DNTTIP1: variants seen among roughly 807,000 people sequenced by gnomAD.
The protein encoded by DNTTIP1 is deoxynucleotidyltransferase terminal-interacting protein 1.
A neutral mutation model predicts 52.9 loss-of-function variants in DNTTIP1; 22 were observed. That is an observed-to-expected ratio of 0.42 (90% CI 0.30 to 0.59). The LOEUF is 0.59. Among genes scored for constraint, DNTTIP1 ranks in the 20% least tolerant of loss-of-function variants. The probability of loss-of-function intolerance (pLI) is 0.22; values close to 1 mark genes in which losing one functional copy is unlikely to be tolerated. For synonymous variants in DNTTIP1, 136 were observed against 155.1 expected, an observed-to-expected ratio of 0.88 and a Z score of 0.92; for missense variants, 286 against 435.5, an observed-to-expected ratio of 0.66 and a Z score of 3.06.
Position 45,792,723 on chromosome 20 carries a change from GC to G in DNTTIP1, c.154del (p.Arg52AlafsTer5). The G allele has an allele frequency of 6.2e-7, 1 of 1,612,664 alleles. No individual in the cohort carries two copies. The highest frequency in any genetic ancestry group is 8.5e-7 in the Non-Finnish European group (1 of 1,179,362). ...AAGCACCGGCAGGTGCAGCGGAGGG[GC>G]CGCCGCTCACAGATGACAACAAGGT... The part of the protein sequence containing the change: ...MIKHRQVQRR[G>X]RRSQMTTSFT... On this transcript the variant is annotated frameshift_variant, in exon 2 of 13. Transcript: ENST00000372622. LOFTEE classifies it high-confidence loss of function.
In DNTTIP1 at chr20:45,797,690, T is replaced by C. The variant is rs187000165; in HGVS notation, c.372+2247T>C. On this transcript the variant is annotated intron_variant, in intron 4 of 12. Transcript: ENST00000372622. ...GCCAAAGGACATGAACAGACACTCC[T>C]CAAAAGAAGACATTTATGCAGCCAA... is the stretch of plus-strand genomic sequence containing the variant. Among the ~76,000 whole-genome samples, 175 of 152,282 alleles carry C rather than the reference T, an allele frequency of 1.1e-3. 1 individual carries two copies. Among genetic ancestry groups the C allele is most frequent in the African/African-American group, 4.0e-3 (168 of 41,544 alleles).
rs1981535619 is a variant in DNTTIP1, at chr20:45,803,379, G to T, written c.603+1G>T. 1.9e-6 allele frequency: 3 copies of T among 1,614,126 alleles called. No homozygotes were observed. The highest frequency in any genetic ancestry group is 1.7e-6 in the Non-Finnish European group (2 of 1,180,020). ...ACCAATTCGCCGGGAAGGCCCCAAG[G>T]TATGATTATGTGAGCATGGCAGAGA... On this transcript the variant is annotated splice_donor_variant, in intron 8 of 12. Coordinates refer to ENST00000372622, the MANE Select transcript of DNTTIP1 (RefSeq NM_052951.3). LOFTEE classifies it high-confidence loss of function.
At chr20:45,795,808 CAAAAA>C (rs1162295489) in intron 4 of DNTTIP1, among the ~76,000 whole-genome samples, 1 of 151,878 alleles carries the variant, frequency 6.6e-6, no homozygotes, top group Non-Finnish European at 1.5e-5. Context: ...CAAAAACAAA[CAAAAA>C]AAGAAATGTG....
chr20:45,804,658 C>G (rs1259818727), intron 8 of DNTTIP1, among the ~76,000 whole-genome samples: 1 of 152,192 alleles, frequency 6.6e-6, no homozygotes, highest in Non-Finnish European at 1.5e-5. Context: ...TGTACTCTCT[C>G]TGTTAGCAGC....
chr20:45,796,768 G>A (rs968509580), intron 4 of DNTTIP1, among the ~76,000 whole-genome samples: 1 of 152,036 alleles, frequency 6.6e-6, no homozygotes, highest in African/African-American at 2.4e-5. Flanking sequence ...CCCTCTTGTC[G>A]GGGTCGCTAG....
At chr20:45,793,882 G>T in intron 2 of DNTTIP1, 39 bp from the exon 3 acceptor site, 1 of 1,325,140 alleles carries the variant, frequency 7.5e-7, no homozygotes, top group South Asian at 1.4e-5. Context: ...GAATATGTTT[G>T]GGACATGCCC....
chr20:45,808,728 G>T (rs908223028), intron 10 of DNTTIP1, among the ~76,000 whole-genome samples: 1 of 152,142 alleles, frequency 6.6e-6, no homozygotes, highest in Non-Finnish European at 1.5e-5. Context: ...GCTATTATGC[G>T]TCCGAGAGTA....
At chr20:45,796,928 T>C (rs1016926097) in intron 4 of DNTTIP1, among the ~76,000 whole-genome samples, 3 of 152,200 alleles carry the variant, frequency 2.0e-5, no homozygotes, top group African/African-American at 7.2e-5. Flanking sequence ...CCTCATTGCC[T>C]ACTCTTCTCT....
At position 45,803,330 on chromosome 20, in the gene DNTTIP1, CA is replaced by C. The variant is rs1259982366; in HGVS notation, c.558-2del. The C allele has an allele frequency of 6.2e-7, 1 of 1,614,156 alleles. No homozygotes were observed. Among genetic ancestry groups the C allele is most frequent in the African/African-American group, 1.3e-5 (1 of 75,052 alleles). On this transcript the variant is annotated splice_acceptor_variant, in intron 7 of 12. Coordinates refer to ENST00000372622, the MANE Select transcript of DNTTIP1 (RefSeq NM_052951.3). LOFTEE classifies it high-confidence loss of function. ...TTCACCTTTATTCTTTCCTTCCAAGCAGATGGAAACCAAAATCCTGTGAACC... is the reference window on the plus strand; with the variant it reads ...TTCACCTTTATTCTTTCCTTCCAAGCGATGGAAACCAAAATCCTGTGAACC...
chr20:45,794,272 C>T (rs761629073), intron 3 of DNTTIP1, among the ~76,000 whole-genome samples: 5 of 152,176 alleles, frequency 3.3e-5, no homozygotes, highest in Non-Finnish European at 7.3e-5. Flanking sequence ...CCTCAGCCTC[C>T]CTAGTGGCTG....
intron 4 of DNTTIP1, among the ~76,000 whole-genome samples, chr20:45,797,185 C>G (rs1195951948): frequency 1.3e-5 from 2 of 152,188 alleles, no homozygotes; most frequent in African/African-American, 4.8e-5. Flanking sequence ...ATGTCACTCC[C>G]CATTTTAAAA....
At chr20:45,795,657 G>A (rs1372131747) in intron 4 of DNTTIP1, among the ~76,000 whole-genome samples, 2 of 152,154 alleles carry the variant, frequency 1.3e-5, no homozygotes, top group African/African-American at 4.8e-5. Flanking sequence ...AAATTAGCTG[G>A]GCATGGTGGT....
chr20:45,806,977 A>G (rs1268827920), intron 10 of DNTTIP1, among the ~76,000 whole-genome samples: 3 of 152,056 alleles, frequency 2.0e-5, no homozygotes, highest in African/African-American at 7.2e-5. Flanking sequence ...GCCTGGTTCC[A>G]TTATTTTACT....
intron 10 of DNTTIP1, among the ~76,000 whole-genome samples, chr20:45,808,558 T>G (rs568750971): frequency 6.6e-6 from 1 of 152,292 alleles, no homozygotes; most frequent in East Asian, 1.9e-4. Flanking sequence ...GAGAATCGCT[T>G]GAACCCAGGA....
intron 10 of DNTTIP1, among the ~76,000 whole-genome samples, chr20:45,805,608 T>C (rs1003744082): frequency 2.0e-5 from 3 of 152,188 alleles, no homozygotes; most frequent in East Asian, 1.9e-4. Flanking sequence ...CCCACACTTA[T>C]ATTATCTTAA....
chr20:45,797,918 G>A (rs1411386460), intron 4 of DNTTIP1, among the ~76,000 whole-genome samples: 2 of 152,216 alleles, frequency 1.3e-5, no homozygotes, highest in Non-Finnish European at 2.9e-5. Context: ...GTGGAAGTCA[G>A]TGTGGCGATT....
At chr20:45,799,790 C>T (rs1329775348) in intron 4 of DNTTIP1, among the ~76,000 whole-genome samples, 1 of 142,694 alleles carries the variant, frequency 7.0e-6, no homozygotes, top group Non-Finnish European at 1.6e-5. Context: ...GCACTTAGGT[C>T]CCAGGTACTC....
At chr20:45,800,466 G>A (rs948840716) in intron 4 of DNTTIP1, among the ~76,000 whole-genome samples, 1 of 151,520 alleles carries the variant, frequency 6.6e-6, no homozygotes, top group Admixed American at 6.6e-5. Flanking sequence ...CTGAGGTTAA[G>A]AGTTCGAGAC....
intron 10 of DNTTIP1, among the ~76,000 whole-genome samples, chr20:45,807,146 G>A (rs549029001): frequency 2.0e-5 from 3 of 151,100 alleles, no homozygotes; most frequent in South Asian, 4.2e-4. Flanking sequence ...TTTCTGAGAC[G>A]GAGTCTTGCT....
Sources: allele counts gnomAD v4.1 joint callset (sites outside exome capture counted in the v4.1 genomes callset), GRCh38; gene constraint gnomAD v4.1.1; transcripts MANE v1.5; gene names NCBI Gene and HGNC (gene_info 2026-07-23, HGNC 2026-07-21).